MARK1: variants seen among roughly 807,000 people sequenced by gnomAD.
MARK1 encodes serine/threonine-protein kinase MARK1.
In MARK1, 40 loss-of-function variants were observed where a neutral mutation model predicts 96.3. The ratio of observed to expected loss-of-function variants is 0.42; its 90% CI spans 0.32 to 0.54. MARK1 has a LOEUF of 0.54. MARK1 is among the 20% of genes least tolerant of loss of function. The pLI is 0.16. For synonymous variants in MARK1, 317 were observed against 341.2 expected (o/e 0.93, Z 0.78); for missense variants, 719 against 984.6 (o/e 0.73, Z 3.61).
intron 9 of MARK1, among the ~76,000 whole-genome samples, chr1:220,629,397 CAT>C (rs1667543916): frequency 2.1e-5 from 3 of 142,758 alleles, no homozygotes; most frequent in African/African-American, 7.8e-5. Flanking sequence ...AAACACGTAA[CAT>C]ATATTTACCC....
chr1:220,536,403 T>C (rs1572037663), intron 1 of MARK1, among the ~76,000 whole-genome samples: 1 of 140,304 alleles, frequency 7.1e-6, no homozygotes, highest in Non-Finnish European at 1.6e-5. Context: ...GTTGTGGGCT[T>C]TTTTTTTTTT....
intron 1 of MARK1, among the ~76,000 whole-genome samples, chr1:220,538,452 C>T (rs1660884280): frequency 6.6e-6 from 1 of 151,996 alleles, no homozygotes. Context: ...TATTTTGGTA[C>T]CAGTACCATG....
intron 3 of MARK1, among the ~76,000 whole-genome samples, chr1:220,581,822 C>T (rs1664260786): frequency 1.3e-5 from 2 of 152,172 alleles, no homozygotes; most frequent in African/African-American, 4.8e-5. Context: ...TTTCACGTTA[C>T]TTCATTAATT....
At chr1:220,560,999 G>A (rs1430246014) in intron 1 of MARK1, among the ~76,000 whole-genome samples, 1 of 152,082 alleles carries the variant, frequency 6.6e-6, no homozygotes, top group Non-Finnish European at 1.5e-5. Flanking sequence ...GTTGGGTTTT[G>A]GAATGGTGTG....
At chr1:220,544,624 G>A (rs767894599) in intron 1 of MARK1, among the ~76,000 whole-genome samples, 2 of 152,090 alleles carry the variant, frequency 1.3e-5, no homozygotes, top group African/African-American at 2.4e-5. Context: ...TTATAGCAAC[G>A]GAAAAGAGAT....
chr1:220,601,377 A>G (rs1438927676), intron 5 of MARK1, among the ~76,000 whole-genome samples: 6 of 150,542 alleles, frequency 4.0e-5, no homozygotes, highest in Admixed American at 1.3e-4. Flanking sequence ...TTGAAAATCT[A>G]TCATTAATGT....
At chr1:220,612,766 A>G (rs1175766368) in intron 6 of MARK1, among the ~76,000 whole-genome samples, 1 of 152,170 alleles carries the variant, frequency 6.6e-6, no homozygotes. Context: ...TTAACAGTGA[A>G]AGAATGTATG....
intron 6 of MARK1, among the ~76,000 whole-genome samples, chr1:220,606,803 G>C (rs1433405025): frequency 2.0e-5 from 3 of 152,016 alleles, no homozygotes; most frequent in African/African-American, 7.2e-5. Flanking sequence ...TCTTGTTTTT[G>C]TCAGGTTTGT....
chr1:220,579,956 A>G (rs1473451266), intron 2 of MARK1, among the ~76,000 whole-genome samples: 3 of 152,204 alleles, frequency 2.0e-5, no homozygotes, highest in Non-Finnish European at 4.4e-5. Flanking sequence ...TAGAGACTAC[A>G]TTGAACAAGT....
At chr1:220,634,277 G>T (rs113403822) in intron 11 of MARK1, among the ~76,000 whole-genome samples, 5 of 152,250 alleles carry the variant, frequency 3.3e-5, no homozygotes, top group African/African-American at 1.2e-4. Context: ...ATATAACCAT[G>T]CCACGCATGA....
intron 1 of MARK1, among the ~76,000 whole-genome samples, chr1:220,556,869 A>C (rs975651550): frequency 6.6e-6 from 1 of 152,194 alleles, no homozygotes; most frequent in African/African-American, 2.4e-5. Flanking sequence ...ATCATAGAGA[A>C]ATAGGGACTG....
intron 3 of MARK1, among the ~76,000 whole-genome samples, chr1:220,591,184 A>T (rs1664957981): frequency 1.3e-5 from 2 of 152,184 alleles, no homozygotes; most frequent in Admixed American, 1.3e-4. Flanking sequence ...TGCAGTCAAA[A>T]ACCCAACTTA....
intron 1 of MARK1, among the ~76,000 whole-genome samples, chr1:220,552,391 T>C (rs988698242): frequency 6.6e-6 from 1 of 152,160 alleles, no homozygotes; most frequent in Non-Finnish European, 1.5e-5. Flanking sequence ...GCACCATATC[T>C]TAGTCACAAA....
At chr1:220,538,420 C>G (rs1660881613) in intron 1 of MARK1, among the ~76,000 whole-genome samples, 1 of 150,626 alleles carries the variant, frequency 6.6e-6, no homozygotes, top group Admixed American at 6.6e-5. Context: ...GGGCTCTGTT[C>G]TGTTGCATTG....
intron 13 of MARK1, among the ~76,000 whole-genome samples, chr1:220,646,889 A>T (rs1443775016): frequency 1.3e-5 from 2 of 152,228 alleles, no homozygotes; most frequent in Admixed American, 1.3e-4. Flanking sequence ...CTTATACCTT[A>T]TACAAAAATT....
At chr1:220,609,989 C>T (rs559704856) in intron 6 of MARK1, among the ~76,000 whole-genome samples, 4 of 152,270 alleles carry the variant, frequency 2.6e-5, no homozygotes, top group Admixed American at 2.6e-4. Context: ...AACACTTTTT[C>T]CTTCATTTCA....
At chr1:220,553,889 G>T (rs1289078859) in intron 1 of MARK1, among the ~76,000 whole-genome samples, 5 of 152,202 alleles carry the variant, frequency 3.3e-5, no homozygotes, top group Non-Finnish European at 5.9e-5. Context: ...AGTCTTCGGG[G>T]TTCAAGTGGC....
At chr1:220,599,751 CAA>C in intron 4 of MARK1, 45 bp from the exon 5 acceptor site, 2 of 1,030,840 alleles carry the variant, frequency 1.9e-6, no homozygotes, top group Non-Finnish European at 2.9e-6. Flanking sequence ...AAAGCATATT[CAA>C]TCTGTGCTAA....
intron 1 of MARK1, among the ~76,000 whole-genome samples, chr1:220,539,772 A>C (rs1661004281): frequency 6.7e-6 from 1 of 149,898 alleles, no homozygotes; most frequent in Non-Finnish European, 1.5e-5. Context: ...TTGAATTGCT[A>C]GGTTTTTTTT....
Sources: allele counts gnomAD v4.1 joint callset (sites outside exome capture counted in the v4.1 genomes callset), GRCh38; gene constraint gnomAD v4.1.1; transcripts MANE v1.5; gene names NCBI Gene and HGNC (gene_info 2026-07-23, HGNC 2026-07-21).